ANKHD1: variants seen among roughly 807,000 people sequenced by gnomAD.
ANKHD1 encodes ankyrin repeat and KH domain containing 1.
ANKHD1 carries 31 observed loss-of-function variants against 230.5 expected under a neutral mutation model. The ratio of observed to expected loss-of-function variants is 0.13; its 90% confidence interval spans 0.10 to 0.18. ANKHD1 has a LOEUF of 0.18. Among genes scored for constraint, ANKHD1 ranks in the 10% least tolerant of loss-of-function variants. ANKHD1 has a pLI of 1.00. For missense variants in ANKHD1, 2,256 were observed against 3,071.3 expected (o/e 0.73, Z 6.27); for synonymous variants, 1,074 against 1,117.6 (o/e 0.96, Z 0.78).
In ANKHD1 at chr5:140,510,772, C is replaced by T. The variant is rs149462133; in HGVS notation, c.4104+591C>T. ...GGATTTTTTTGTGCCTAAAGAGGAA[C>T]AAAAAGGAGTAGACTTTCATAAAAA... On this transcript the variant is annotated intron_variant, in intron 22 of 33. Transcript: ENST00000360839. Among the ~76,000 whole-genome samples, 290 of 151,966 alleles carry T rather than the reference C, an allele frequency of 1.9e-3. 1 individual carries two copies. Among genetic ancestry groups the T allele is most frequent in the African/African-American group, 6.4e-3 (266 of 41,464 alleles).
chr5:140,455,217 A>C (rs1264072939), intron 7 of ANKHD1, among the ~76,000 whole-genome samples: 1 of 152,212 alleles, frequency 6.6e-6, no homozygotes, highest in Non-Finnish European at 1.5e-5. Context: ...TTGAGGCAAT[A>C]ATTAATAGCC....
intron 3 of ANKHD1, among the ~76,000 whole-genome samples, chr5:140,438,903 GTTAC>G (rs1476551418): frequency 6.6e-6 from 1 of 152,198 alleles, no homozygotes; most frequent in Non-Finnish European, 1.5e-5. Context: ...TTATAAGGAA[GTTAC>G]TTATTCTAAA....
intron 5 of ANKHD1, among the ~76,000 whole-genome samples, chr5:140,445,378 C>T (rs920981727): frequency 1.6e-4 from 24 of 152,034 alleles, no homozygotes; most frequent in Admixed American, 1.0e-3. Flanking sequence ...GTGGTGGGCA[C>T]CTGTAATCCC....
At chr5:140,416,306 A>G (rs1771386213) in intron 1 of ANKHD1, among the ~76,000 whole-genome samples, 1 of 152,236 alleles carries the variant, frequency 6.6e-6, no homozygotes. Context: ...TATACCCAGT[A>G]ATGGGATGGC....
intron 5 of ANKHD1, among the ~76,000 whole-genome samples, chr5:140,442,198 C>T (rs1305472021): frequency 1.3e-5 from 2 of 151,740 alleles, no homozygotes; most frequent in Admixed American, 6.6e-5. Flanking sequence ...TACCACCACT[C>T]CCGGCTAATT....
chr5:140,504,722 C>A, intron 15 of ANKHD1, 99 bp from the exon 16 acceptor site: 1 of 1,457,152 alleles, frequency 6.9e-7, no homozygotes, highest in Non-Finnish European at 9.2e-7. Context: ...ACTATTACTA[C>A]ATATTACTGC....
At chr5:140,531,729 T>G (rs1753831511) in intron 29 of ANKHD1, among the ~76,000 whole-genome samples, 1 of 152,116 alleles carries the variant, frequency 6.6e-6, no homozygotes, top group Admixed American at 6.6e-5. Flanking sequence ...TTAAGAGTGA[T>G]CATATGATCC....
At chr5:140,468,279 A>AC (rs1296232193) in intron 10 of ANKHD1, among the ~76,000 whole-genome samples, 9 of 151,510 alleles carry the variant, frequency 5.9e-5, no homozygotes, top group African/African-American at 1.7e-4. Context: ...AAAAACAAAA[A>AC]AAAACAAAAA....
rs1252027595 is a variant in ANKHD1, at chr5:140,507,265, T to C, written c.3551+288T>C. 6.6e-6 allele frequency among the ~76,000 whole-genome samples: 1 copy of C among 152,244 alleles called. No homozygotes were observed. Among genetic ancestry groups the C allele is most frequent in the East Asian group, 1.9e-4 (1 of 5,202 alleles). Reference sequence around the variant, plus strand: ...AGAAACGGTATTTTATTTTATATAGTTGGAAATTTATAATCCCTAAATAGG... The same window carrying C: ...AGAAACGGTATTTTATTTTATATAGCTGGAAATTTATAATCCCTAAATAGG... On this transcript the variant is annotated intron_variant, in intron 19 of 33. Transcript: ENST00000360839. The surrounding 1 kb of genome is among the most constrained non-coding windows in gnomAD (Gnocchi z 4.1).
intron 26 of ANKHD1, 108 bp downstream of exon 26, chr5:140,526,551 G>A (rs752567587): frequency 1.7e-4 from 229 of 1,356,548 alleles, no homozygotes; most frequent in Non-Finnish European, 2.2e-4. Flanking sequence ...AACAATTGAA[G>A]TCTACCACAT....
intron 24 of ANKHD1, among the ~76,000 whole-genome samples, chr5:140,516,624 G>T (rs541536096): frequency 6.6e-6 from 1 of 152,128 alleles, no homozygotes; most frequent in Admixed American, 6.6e-5. Context: ...AAGAGAGTGG[G>T]GGCCAATATT....
chr5:140,523,927 A>T (rs1753483086), intron 24 of ANKHD1, 139 bp from the exon 25 acceptor site: 1 of 1,170,056 alleles, frequency 8.5e-7, no homozygotes. Flanking sequence ...TGTCCAGTTT[A>T]TTTTTTCTTG....
intron 1 of ANKHD1, among the ~76,000 whole-genome samples, chr5:140,408,280 A>AC (rs1190724405): frequency 2.0e-5 from 3 of 152,188 alleles, no homozygotes; most frequent in African/African-American, 2.4e-5. Flanking sequence ...GCTTCTTCCC[A>AC]CCCCCATTAA....
chr5:140,518,166 G>T (rs1279189234), intron 24 of ANKHD1, among the ~76,000 whole-genome samples: 1 of 152,070 alleles, frequency 6.6e-6, no homozygotes, highest in Non-Finnish European at 1.5e-5. Flanking sequence ...ACACCTCTAC[G>T]CAAATAAACT....
intron 1 of ANKHD1, among the ~76,000 whole-genome samples, chr5:140,430,233 C>T (rs572971027): frequency 1.7e-4 from 26 of 152,082 alleles, no homozygotes; most frequent in Non-Finnish European, 3.2e-4. Context: ...TTTGATGGGC[C>T]GTATTCCTTT....
intron 1 of ANKHD1, 38 bp from the exon 2 acceptor site, chr5:140,436,066 T>A (rs754934165): frequency 1.7e-5 from 25 of 1,460,852 alleles, no homozygotes; most frequent in Non-Finnish European, 2.2e-5. Flanking sequence ...CATATTGATA[T>A]CAGTTTCATG....
chr5:140,522,410 A>G (rs1753392524), intron 24 of ANKHD1, among the ~76,000 whole-genome samples: 1 of 152,190 alleles, frequency 6.6e-6, no homozygotes. Flanking sequence ...TGGCAATTAT[A>G]AACAATGCTC....
intron 10 of ANKHD1, among the ~76,000 whole-genome samples, chr5:140,470,238 G>T (rs1296366700): frequency 6.7e-6 from 1 of 149,802 alleles, no homozygotes; most frequent in Non-Finnish European, 1.5e-5. Context: ...GATGTATCTT[G>T]TGTTAATTAT....
chr5:140,421,362 G>A (rs1314387213), intron 1 of ANKHD1, among the ~76,000 whole-genome samples: 7 of 144,794 alleles, frequency 4.8e-5, no homozygotes, highest in South Asian at 2.2e-4. Flanking sequence ...GTGCAGTGGC[G>A]TGATCTCGGC....
Sources: allele counts gnomAD v4.1 joint callset (sites outside exome capture counted in the v4.1 genomes callset), GRCh38; gene constraint gnomAD v4.1.1; non-coding constraint Gnocchi (gnomAD v3.1); transcripts MANE v1.5; gene names NCBI Gene and HGNC (gene_info 2026-07-23, HGNC 2026-07-21).